Variants in BCAS3 observed in about 807,000 individuals in gnomAD.
BCAS3 encodes the protein BCAS3 microtubule associated cell migration factor.
A neutral mutation model predicts 116.1 loss-of-function variants in BCAS3; 53 were observed. The ratio of observed to expected loss-of-function variants is 0.46; its 90% CI spans 0.37 to 0.57. BCAS3 has a LOEUF of 0.57. BCAS3 is among the 20% of genes least tolerant of loss of function. BCAS3 has a pLI of 0.00. For missense variants in BCAS3, 917 were observed against 1,165.4 expected, an observed-to-expected ratio of 0.79 and a Z score of 3.10; for synonymous variants, 391 against 408.2, an observed-to-expected ratio of 0.96 and a Z score of 0.51.
At chr17:60,932,742 CAAA>C (rs1167994825) in intron 13 of BCAS3, among the ~76,000 whole-genome samples, 1,111 of 38,034 alleles carry the variant, frequency 0.029, 7 homozygotes, top group African/African-American at 0.068. Flanking sequence ...ACTCTTGTCT[CAAA>C]AAAAAAAAAA....
At chr17:61,178,523 C>CTGG (rs1174783472) in intron 22 of BCAS3, among the ~76,000 whole-genome samples, 16 of 152,042 alleles carry the variant, frequency 1.1e-4, no homozygotes, top group Non-Finnish European at 1.9e-4. Flanking sequence ...CCAGATTGTG[C>CTGG]TGGTGTTTAG....
Position 61,203,107 on chromosome 17 carries a change from C to T in BCAS3, c.2425+118543C>T, listed in dbSNP as rs909687800. On this transcript the variant is annotated intron_variant, in intron 22 of 23. Transcript: ENST00000407086. This position sits in a 1 kb window ranked among gnomAD's most constrained non-coding sequence, Gnocchi z 5.7. ...AAATTTTATTTATTTATGTGTAGCTCCTAGATCTAAAAGGGAATAGTTTTT... is the reference window on the plus strand; with the variant it reads ...AAATTTTATTTATTTATGTGTAGCTTCTAGATCTAAAAGGGAATAGTTTTT... Among the ~76,000 whole-genome samples the T allele has an allele frequency of 1.3e-5, 2 of 152,058 alleles. No homozygotes were observed. Among genetic ancestry groups the T allele is most frequent in the Non-Finnish European group, 2.9e-5 (2 of 68,012 alleles).
Position 60,761,620 on chromosome 17 carries a change from GTTGGTTCCATGTAT to G in BCAS3, c.403+14345_403+14358del, listed in dbSNP as rs1292728779. On this transcript the variant is annotated intron_variant, in intron 6 of 23. Coordinates refer to ENST00000407086, the MANE Select transcript of BCAS3 (RefSeq NM_017679.5). ...CAGTCTATCATTGATGGACATTTGG[GTTGGTTCCATGTAT>G]TTGCTTTTGTGAGTAGTGCCGCAAT... Among the ~76,000 whole-genome samples, 11 of 152,144 alleles carry G rather than the reference GTTGGTTCCATGTAT, an allele frequency of 7.2e-5. 1 individual carries two copies. The highest frequency in any genetic ancestry group is 3.9e-4 in the Admixed American group (6 of 15,268).
chr17:60,934,043 G>GTAGGTACAGTGTC (rs1171763998), intron 13 of BCAS3, among the ~76,000 whole-genome samples: 2 of 152,140 alleles, frequency 1.3e-5, no homozygotes, highest in Non-Finnish European at 2.9e-5. Context: ...CGATTAGGTA[G>GTAGGTACAGTGTC]TAGGTACAGT....
chr17:60,727,737 T>A (rs1466622359), intron 5 of BCAS3, among the ~76,000 whole-genome samples: 1 of 151,838 alleles, frequency 6.6e-6, no homozygotes, highest in African/African-American at 2.4e-5. Flanking sequence ...TCCATGAACA[T>A]ACATTGATAT....
intron 22 of BCAS3, among the ~76,000 whole-genome samples, chr17:61,299,905 T>G (rs1355250141): frequency 5.3e-5 from 8 of 152,170 alleles, no homozygotes; most frequent in Admixed American, 4.6e-4. Flanking sequence ...GATTTCAAAT[T>G]TATGTGTATG....
intron 14 of BCAS3, among the ~76,000 whole-genome samples, chr17:60,977,718 G>T (rs1488184455): frequency 7.1e-6 from 1 of 141,564 alleles, no homozygotes; most frequent in African/African-American, 2.6e-5. Context: ...TGTTCTCATT[G>T]TTCAATTCCC....
intron 22 of BCAS3, among the ~76,000 whole-genome samples, chr17:61,329,148 G>A (rs1435570717): frequency 6.6e-6 from 1 of 151,300 alleles, no homozygotes; most frequent in African/African-American, 2.4e-5. Flanking sequence ...AGCCCGCCTC[G>A]GCCTCCCAAA....
chr17:60,692,866 G>A (rs896234957), intron 4 of BCAS3, among the ~76,000 whole-genome samples: 1 of 65,332 alleles, frequency 1.5e-5, no homozygotes, highest in Non-Finnish European at 4.8e-5. Flanking sequence ...CTGCACTCCA[G>A]CCTGGGCGAC....
chr17:61,331,284 T>C (rs1204011226), intron 22 of BCAS3, among the ~76,000 whole-genome samples: 1 of 152,034 alleles, frequency 6.6e-6, no homozygotes, highest in Non-Finnish European at 1.5e-5. Flanking sequence ...GTTTTTCCTT[T>C]CACAAAGCAT....
intron 5 of BCAS3, among the ~76,000 whole-genome samples, chr17:60,737,106 A>G (rs573862185): frequency 1.5e-4 from 23 of 151,788 alleles, no homozygotes; most frequent in Non-Finnish European, 2.8e-4. Context: ...CGCCTGGCTA[A>G]TTTTTGTATT....
At chr17:61,150,905 G>C (rs2077506490) in intron 22 of BCAS3, among the ~76,000 whole-genome samples, 1 of 152,160 alleles carries the variant, frequency 6.6e-6, no homozygotes, top group African/African-American at 2.4e-5. Flanking sequence ...TGTTACTCAA[G>C]ATCTTGGTTT....
At chr17:61,299,287 C>CA (rs1233183974) in intron 22 of BCAS3, among the ~76,000 whole-genome samples, 3 of 151,384 alleles carry the variant, frequency 2.0e-5, no homozygotes, top group Admixed American at 6.6e-5. Flanking sequence ...ACTAAAAATA[C>CA]AAAAAATTAG....
intron 22 of BCAS3, among the ~76,000 whole-genome samples, chr17:61,117,405 C>G (rs1415091684): frequency 1.3e-5 from 2 of 152,072 alleles, no homozygotes; most frequent in African/African-American, 2.4e-5. Flanking sequence ...CCAGCTGGGG[C>G]AACAAAGCAA....
chr17:60,735,917 G>A (rs1041596345), intron 5 of BCAS3, among the ~76,000 whole-genome samples: 1 of 152,074 alleles, frequency 6.6e-6, no homozygotes, highest in African/African-American at 2.4e-5. Context: ...GCTTATCGAT[G>A]TGATGGCTTA....
At chr17:61,110,650 G>T (rs1371887584) in intron 22 of BCAS3, among the ~76,000 whole-genome samples, 1 of 152,044 alleles carries the variant, frequency 6.6e-6, no homozygotes, top group Non-Finnish European at 1.5e-5. Context: ...CTGCAAGGCG[G>T]CAGCGAGGCT....
At chr17:60,832,726 T>C (rs2051046237) in intron 7 of BCAS3, among the ~76,000 whole-genome samples, 1 of 152,206 alleles carries the variant, frequency 6.6e-6, no homozygotes, top group Non-Finnish European at 1.5e-5. Context: ...CTTTTCAAAA[T>C]GAATTCTAAA....
chr17:61,135,083 A>C (rs2076548820), intron 22 of BCAS3, among the ~76,000 whole-genome samples: 1 of 152,210 alleles, frequency 6.6e-6, no homozygotes, highest in Non-Finnish European at 1.5e-5. Context: ...GAGGTCACCT[A>C]AACTGCGACG....
intron 13 of BCAS3, among the ~76,000 whole-genome samples, chr17:60,945,429 T>G (rs2060432688): frequency 6.6e-6 from 1 of 152,232 alleles, no homozygotes; most frequent in East Asian, 1.9e-4. Context: ...CAAGATTTTC[T>G]GTGAAGTTAC....
Sources: allele counts gnomAD v4.1 joint callset (sites outside exome capture counted in the v4.1 genomes callset), GRCh38; gene constraint gnomAD v4.1.1; non-coding constraint Gnocchi (gnomAD v3.1); transcripts MANE v1.5; gene names NCBI Gene and HGNC (gene_info 2026-07-23, HGNC 2026-07-21).